CBFA2T2: variants seen among roughly 807,000 people sequenced by gnomAD.
The protein encoded by CBFA2T2 is CBFA2/RUNX1 partner transcriptional co-repressor 2, also known as protein CBFA2T2.
In CBFA2T2, 11 loss-of-function variants were observed where a neutral mutation model predicts 62.2. The ratio of observed to expected loss-of-function variants is 0.18; its 90% CI spans 0.11 to 0.29. The LOEUF is 0.29. Ranked by LOEUF, CBFA2T2 falls within the 10% of genes least tolerant of loss-of-function variation. The pLI, the probability that CBFA2T2 is intolerant of heterozygous loss-of-function variation, is 1.00. For synonymous variants in CBFA2T2, 295 were observed against 287.5 expected, an observed-to-expected ratio of 1.03 and a Z score of -0.27; for missense variants, 592 against 774.1, an observed-to-expected ratio of 0.76 and a Z score of 2.79.
chr20:33,638,520 A>G (rs2016709749), intron 9 of CBFA2T2, among the ~76,000 whole-genome samples: 1 of 152,196 alleles, frequency 6.6e-6, no homozygotes, highest in Non-Finnish European at 1.5e-5. Flanking sequence ...CACTGGCTCA[A>G]TAAGAGGCAT....
At chr20:33,494,269 ATATATTTTTTT>A (rs1600893724) in intron 1 of CBFA2T2, among the ~76,000 whole-genome samples, 25 of 30,744 alleles carry the variant, frequency 8.1e-4, no homozygotes, top group Middle Eastern at 0.031. Flanking sequence ...ATATATATAT[ATATATTTTTTT>A]TTTTTTTTTT....
In CBFA2T2 at chr20:33,629,743, G is replaced by T; in HGVS notation, c.1057G>T (p.Val353Leu). 6.2e-7 allele frequency: 1 copy of T among 1,613,850 alleles called. No individual in the cohort carries two copies. Among genetic ancestry groups the T allele is most frequent in the Non-Finnish European group, 8.5e-7 (1 of 1,179,930 alleles). Residue 353 changes from valine (V) to leucine (L), a missense_variant, in exon 8 of 11, where the codon GTA becomes TTA. Val to Leu is a conservative substitution (Grantham distance 32). Coordinates refer to ENST00000342704, the MANE Select transcript of CBFA2T2 (RefSeq NM_001032999.3). ...DHALNCIMEM[V>L]EKTRRSMAVL... is the part of the protein sequence containing the mutation. ...GGCGCTGAATTGCATTATGGAAATG[G>T]TAGAGAAAACAAGGCGCTCTATGGC... is the stretch of plus-strand genomic sequence containing the variant.
Position 33,565,044 on chromosome 20 carries a change from A to G in CBFA2T2, c.35-41912A>G, listed in dbSNP as rs1055536161. Among the ~76,000 whole-genome samples the G allele has an allele frequency of 2.0e-5, 3 of 151,384 alleles. No individual in the cohort carries two copies. In the South Asian group the frequency reaches 6.3e-4, roughly 32 times the overall value. On this transcript the variant is annotated intron_variant, in intron 1 of 10. Coordinates refer to ENST00000342704, the MANE Select transcript of CBFA2T2 (RefSeq NM_001032999.3). ...ATGCTATTCTCCTGCCTCAGCCTCC[A>G]GAGTAGCTGGGACTACAGGCACCCG...
chr20:33,587,987 C>T (rs1296782810), intron 1 of CBFA2T2, among the ~76,000 whole-genome samples: 2 of 152,122 alleles, frequency 1.3e-5, no homozygotes, highest in Non-Finnish European at 2.9e-5. Flanking sequence ...TTGAATCCTC[C>T]CATTGAAAGG....
At chr20:33,493,159 TCCGCC>T (rs1273888512) in intron 1 of CBFA2T2, among the ~76,000 whole-genome samples, 22 of 134,842 alleles carry the variant, frequency 1.6e-4, no homozygotes, top group Non-Finnish European at 2.6e-4. Context: ...CACTGCAACC[TCCGCC>T]TCCTGGGTTC....
chr20:33,580,666 T>C (rs2014071221), intron 1 of CBFA2T2, among the ~76,000 whole-genome samples: 3 of 152,016 alleles, frequency 2.0e-5, no homozygotes. Context: ...GCCTGTGCAG[T>C]GTGGCAATAC....
intron 1 of CBFA2T2, among the ~76,000 whole-genome samples, chr20:33,556,066 T>C (rs1048180183): frequency 1.3e-5 from 2 of 152,234 alleles, no homozygotes; most frequent in East Asian, 3.8e-4. Context: ...GGAGTCTCAC[T>C]ACGTTGCTCC....
At chr20:33,627,910 C>A (rs936129741) in intron 6 of CBFA2T2, among the ~76,000 whole-genome samples, 3 of 152,124 alleles carry the variant, frequency 2.0e-5, no homozygotes, top group Non-Finnish European at 4.4e-5. Context: ...AACTATCCCC[C>A]CACCAAAAAA....
intron 1 of CBFA2T2, among the ~76,000 whole-genome samples, chr20:33,530,393 T>C (rs193011773): frequency 5.1e-4 from 78 of 152,288 alleles, no homozygotes; most frequent in Admixed American, 1.7e-3. Context: ...AATAGCCTGA[T>C]TGAACCAGCT....
At chr20:33,497,603 G>T (rs576216966) in intron 1 of CBFA2T2, among the ~76,000 whole-genome samples, 4 of 140,494 alleles carry the variant, frequency 2.8e-5, no homozygotes, top group Non-Finnish European at 6.0e-5. Flanking sequence ...AGGCTACAGT[G>T]CGGTAGTGTG....
intron 1 of CBFA2T2, among the ~76,000 whole-genome samples, chr20:33,604,096 T>G (rs916540800): frequency 1.3e-5 from 2 of 152,218 alleles, no homozygotes; most frequent in Admixed American, 6.5e-5. Context: ...CTATTAATTC[T>G]TGGATCATTC....
At position 33,564,989 on chromosome 20, in the gene CBFA2T2, G is replaced by A. The variant is rs142087802; in HGVS notation, c.35-41967G>A. On this transcript the variant is annotated intron_variant, in intron 1 of 10. Transcript: ENST00000342704. ...GGCTGGAGTGCAGCGGCGCGATCTC[G>A]ACTGACTGCAAGCTCCACCTCCCCG... 1.2e-3 allele frequency among the ~76,000 whole-genome samples: 187 copies of A among 151,982 alleles called. 1 individual carries two copies. Among genetic ancestry groups the A allele is most frequent in the African/African-American group, 4.2e-3 (175 of 41,422 alleles).
rs984428904 is a variant in CBFA2T2 at position 33,649,318 on chromosome 20, G to T, written c.*4672G>T. 6.5e-6 allele frequency: 1 copy of T among 152,678 alleles called. No homozygotes were observed. The highest frequency in any genetic ancestry group is 6.5e-5 in the Admixed American group (1 of 15,282). 9.5% of individuals were successfully genotyped at this position (152,678 alleles called of 1,614,324 possible). A position where few individuals can be genotyped will look rare whatever the true frequency, so the allele number is the denominator to read the frequency against. ...GATTGCGGTGGGGGCTGTGCCAGCG[G>T]CTCCGCAGGGCCCTTCCAACTCTGG... On this transcript the variant is annotated 3_prime_UTR_variant, in exon 11 of 11. Transcript: ENST00000342704.
chr20:33,508,414 G>T (rs1221021481), intron 1 of CBFA2T2, among the ~76,000 whole-genome samples: 1 of 151,974 alleles, frequency 6.6e-6, no homozygotes, highest in East Asian at 1.9e-4. Context: ...TTTTATGCTT[G>T]TATTTTTTTG....
At chr20:33,497,204 C>T (rs758378836) in intron 1 of CBFA2T2, among the ~76,000 whole-genome samples, 2 of 130,960 alleles carry the variant, frequency 1.5e-5, no homozygotes, top group South Asian at 2.5e-4. Context: ...ACCCGGGAGG[C>T]GGAGGTTATG....
chr20:33,575,340 G>C (rs2013773017), intron 1 of CBFA2T2, among the ~76,000 whole-genome samples: 1 of 152,200 alleles, frequency 6.6e-6, no homozygotes, highest in Non-Finnish European at 1.5e-5. Context: ...TATTTTAAAA[G>C]ATTAAATCTT....
chr20:33,523,100 C>A (rs1278149418), intron 1 of CBFA2T2, among the ~76,000 whole-genome samples: 1 of 152,104 alleles, frequency 6.6e-6, no homozygotes, highest in Non-Finnish European at 1.5e-5. Flanking sequence ...TATAGATACG[C>A]ATTGTAGATT....
At chr20:33,490,978 C>T (rs1413371321) in intron 1 of CBFA2T2, among the ~76,000 whole-genome samples, 3 of 152,158 alleles carry the variant, frequency 2.0e-5, no homozygotes, top group African/African-American at 4.8e-5. Context: ...CGGAAAAGTC[C>T]GAAATTAGGC....
intron 3 of CBFA2T2, among the ~76,000 whole-genome samples, chr20:33,614,852 A>C (rs1332104562): frequency 4.6e-5 from 7 of 152,218 alleles, no homozygotes; most frequent in Admixed American, 4.6e-4. Context: ...GAAAAGTTTT[A>C]TATCAATGTA....
Sources: gnomAD v4.1 joint callset for allele counts (sites outside exome capture counted in the v4.1 genomes callset) on GRCh38, gnomAD v4.1.1 for gene constraint, MANE v1.5 for transcripts, NCBI Gene and HGNC (gene_info 2026-07-23, HGNC 2026-07-21) for gene names.